Variants in PTPRR observed in about 807,000 individuals in gnomAD.
The protein encoded by PTPRR is protein tyrosine phosphatase receptor type R, also known as receptor-type tyrosine-protein phosphatase R.
PTPRR carries 38 observed loss-of-function variants against 77.2 expected under a neutral mutation model. The ratio of observed to expected loss-of-function variants is 0.49; its 90% CI spans 0.38 to 0.65. PTPRR has a LOEUF of 0.65. Ranked by LOEUF, PTPRR falls within the 30% of genes least tolerant of loss-of-function variation. PTPRR has a pLI of 0.00. For missense variants in PTPRR, 744 were observed against 799.2 expected (o/e 0.93, Z 0.83); for synonymous variants, 299 against 283.1 (o/e 1.06, Z -0.57).
At chr12:70,858,045 G>A (rs76782190) in intron 2 of PTPRR, among the ~76,000 whole-genome samples, 4,318 of 152,128 alleles carry the variant, frequency 0.028, 98 homozygotes, top group Non-Finnish European at 0.045. Flanking sequence ...CACCACTCTA[G>A]CCAATGACTG....
intron 2 of PTPRR, among the ~76,000 whole-genome samples, chr12:70,855,459 G>C (rs1892635697): frequency 6.6e-6 from 1 of 152,074 alleles, no homozygotes; most frequent in Non-Finnish European, 1.5e-5. Flanking sequence ...ACTGACTAGG[G>C]CCAAGAGCAG....
chr12:70,727,284 A>G (rs572330920), intron 6 of PTPRR, among the ~76,000 whole-genome samples: 31 of 152,126 alleles, frequency 2.0e-4, no homozygotes, highest in Non-Finnish European at 3.8e-4. Context: ...AAATGTCCTC[A>G]TGGACAGAGG....
chr12:70,741,602 G>A (rs1890048572), intron 6 of PTPRR, among the ~76,000 whole-genome samples: 1 of 152,114 alleles, frequency 6.6e-6, no homozygotes, highest in Admixed American at 6.5e-5. Flanking sequence ...CCTGTCATGG[G>A]CTTTGTGTTC....
At chr12:70,781,852 T>C (rs1271456429) in intron 2 of PTPRR, among the ~76,000 whole-genome samples, 1 of 152,196 alleles carries the variant, frequency 6.6e-6, no homozygotes, top group Non-Finnish European at 1.5e-5. Context: ...TACTCTTCCT[T>C]CTTAAGCTCC....
chr12:70,762,836 T>G (rs1890724483), intron 3 of PTPRR, among the ~76,000 whole-genome samples: 1 of 152,166 alleles, frequency 6.6e-6, no homozygotes, highest in South Asian at 2.1e-4. Flanking sequence ...TCAACATGCT[T>G]TGCTATGTCA....
At chr12:70,677,207 T>C (rs1112756) in intron 10 of PTPRR, among the ~76,000 whole-genome samples, 6,645 of 152,240 alleles carry the variant, frequency 0.044, 307 homozygotes, top group African/African-American at 0.11. Flanking sequence ...TTCTTGATTT[T>C]GTTTTTAGCT....
At chr12:70,918,606 C>A (rs1893808755) in intron 1 of PTPRR, among the ~76,000 whole-genome samples, 1 of 152,140 alleles carries the variant, frequency 6.6e-6, no homozygotes, top group South Asian at 2.1e-4. Context: ...TACAGTAAAT[C>A]AAGACATGTT....
chr12:70,886,694 A>G (rs190396345), intron 2 of PTPRR, among the ~76,000 whole-genome samples: 1 of 152,352 alleles, frequency 6.6e-6, no homozygotes, highest in East Asian at 1.9e-4. Context: ...ATAATGGGTA[A>G]TTAAGTGTTA....
At chr12:70,694,828 T>C (rs964012945) in intron 8 of PTPRR, among the ~76,000 whole-genome samples, 1 of 152,144 alleles carries the variant, frequency 6.6e-6, no homozygotes, top group Admixed American at 6.6e-5. Context: ...AATTTAAACT[T>C]ATTATTACAG....
chr12:70,844,023 C>T (rs942865249), intron 2 of PTPRR, among the ~76,000 whole-genome samples: 1 of 151,762 alleles, frequency 6.6e-6, no homozygotes, highest in Non-Finnish European at 1.5e-5. Context: ...ATCATGTTGG[C>T]CAGGCTCGTC....
intron 8 of PTPRR, among the ~76,000 whole-genome samples, chr12:70,694,947 C>A (rs1390046669): frequency 2.6e-5 from 4 of 151,856 alleles, no homozygotes; most frequent in African/African-American, 9.7e-5. Flanking sequence ...TTTTTTCCTA[C>A]TACTTTTGTG....
intron 2 of PTPRR, among the ~76,000 whole-genome samples, chr12:70,851,977 AC>A (rs1892579514): frequency 6.6e-6 from 1 of 152,032 alleles, no homozygotes; most frequent in South Asian, 2.1e-4. Context: ...AGGTTTCAGT[AC>A]CATGGTTCTG....
intron 2 of PTPRR, among the ~76,000 whole-genome samples, chr12:70,821,839 T>C (rs1362555159): frequency 6.6e-6 from 1 of 151,824 alleles, no homozygotes; most frequent in Admixed American, 6.6e-5. Context: ...TAATTTTTTG[T>C]ATTTTTAGTA....
chr12:70,818,606 T>C (rs1439212229), intron 2 of PTPRR, among the ~76,000 whole-genome samples: 1 of 152,228 alleles, frequency 6.6e-6, no homozygotes, highest in East Asian at 1.9e-4. Context: ...AGTTTCTTTA[T>C]GTCTTACAGT....
chr12:70,743,316 C>A (rs539752165), intron 6 of PTPRR, among the ~76,000 whole-genome samples: 1 of 152,192 alleles, frequency 6.6e-6, no homozygotes, highest in Non-Finnish European at 1.5e-5. Context: ...TGATAATTAA[C>A]TTGATAATCG....
intron 5 of PTPRR, among the ~76,000 whole-genome samples, chr12:70,747,574 A>C (rs1381489816): frequency 6.6e-6 from 1 of 152,162 alleles, no homozygotes; most frequent in Non-Finnish European, 1.5e-5. Flanking sequence ...CAATTTTATG[A>C]TTTATATTAG....
intron 2 of PTPRR, among the ~76,000 whole-genome samples, chr12:70,794,634 T>C (rs534299084): frequency 2.3e-4 from 35 of 152,274 alleles, no homozygotes; most frequent in Non-Finnish European, 4.6e-4. Context: ...TTTCCTTTGG[T>C]GGTATTTAGT....
At chr12:70,846,480 C>A (rs1312320468) in intron 2 of PTPRR, among the ~76,000 whole-genome samples, 1 of 152,078 alleles carries the variant, frequency 6.6e-6, no homozygotes, top group Non-Finnish European at 1.5e-5. Context: ...AAGAAGAAAG[C>A]GTATATAGGC....
intron 4 of PTPRR, among the ~76,000 whole-genome samples, chr12:70,758,035 T>C (rs1206553260): frequency 6.6e-6 from 1 of 152,194 alleles, no homozygotes; most frequent in Non-Finnish European, 1.5e-5. Context: ...TGTTTCTGCA[T>C]TTAGAGATTC....
Sources: allele counts gnomAD v4.1 joint callset (sites outside exome capture counted in the v4.1 genomes callset), GRCh38; gene constraint gnomAD v4.1.1; transcripts MANE v1.5; gene names NCBI Gene and HGNC (gene_info 2026-07-23, HGNC 2026-07-21).